ANO3: variants seen among roughly 807,000 people sequenced by gnomAD.
The protein encoded by ANO3 is anoctamin-3.
ANO3 carries 99 observed loss-of-function variants against 144.8 expected under a neutral mutation model. That is an observed-to-expected ratio of 0.68 (90% confidence interval 0.58 to 0.81). The LOEUF (loss-of-function observed/expected upper bound fraction) is 0.81, where lower values mean the gene tolerates loss of function less well. Ranked by LOEUF, ANO3 falls within the 30% of genes least tolerant of loss-of-function variation. The pLI is 0.00. For missense variants in ANO3, 905 were observed against 1,202.2 expected (o/e 0.75, Z 3.66); for synonymous variants, 414 against 392.6 (o/e 1.05, Z -0.64).
intron 2 of ANO3, 80 bp from the exon 3 acceptor site, chr11:26,443,685 T>G: frequency 1.6e-6 from 1 of 631,722 alleles, no homozygotes; most frequent in Non-Finnish European, 2.6e-6. Context: ...GGCCATCATT[T>G]GTCCATCTAT....
At chr11:26,313,681 G>A (rs956570778) in intron 1 of ANO3, among the ~76,000 whole-genome samples, 22 of 150,684 alleles carry the variant, frequency 1.5e-4, no homozygotes, top group African/African-American at 5.4e-4. Context: ...GCAAGACTGT[G>A]TCTCAAAAAA....
At chr11:26,448,105 G>A (rs2134032132) in intron 3 of ANO3, among the ~76,000 whole-genome samples, 1 of 152,166 alleles carries the variant, frequency 6.6e-6, no homozygotes, top group Non-Finnish European at 1.5e-5. Flanking sequence ...TTCGAGACCA[G>A]CCTGACCAAC....
chr11:26,218,437 C>T lies in ANO3; in HGVS notation c.154+29107C>T, dbSNP rs561591765. ...GTTCCTACTCTTGTTGGACCAATAA[C>T]ATTTTAATTTCATCTGTAACACTTA... On this transcript the variant is annotated intron_variant, in intron 1 of 27. Transcript: ENST00000672621. 1.2e-4 allele frequency among the ~76,000 whole-genome samples: 18 copies of T among 152,178 alleles called. No individual in the cohort carries two copies. The South Asian group carries it at 3.7e-3, about 32-fold the overall frequency.
At chr11:26,348,093 C>A (rs1021086161) in intron 1 of ANO3, among the ~76,000 whole-genome samples, 1 of 152,190 alleles carries the variant, frequency 6.6e-6, no homozygotes, top group Non-Finnish European at 1.5e-5. Flanking sequence ...TAACATATGG[C>A]TTATTTTTCA....
At chr11:26,316,377 A>G (rs1309999904) in intron 1 of ANO3, among the ~76,000 whole-genome samples, 1 of 152,174 alleles carries the variant, frequency 6.6e-6, no homozygotes, top group Non-Finnish European at 1.5e-5. Flanking sequence ...GGGATGAAGT[A>G]ATTCTTTAAC....
intron 17 of ANO3, among the ~76,000 whole-genome samples, chr11:26,603,344 C>A (rs1294724015): frequency 6.6e-6 from 1 of 151,766 alleles, no homozygotes; most frequent in East Asian, 1.9e-4. Flanking sequence ...TCTAGATTTG[C>A]TACAATAAGC....
chr11:26,231,802 A>T (rs1011556689), intron 1 of ANO3, among the ~76,000 whole-genome samples: 1 of 152,238 alleles, frequency 6.6e-6, no homozygotes, highest in Non-Finnish European at 1.5e-5. Context: ...GTAAGATCGT[A>T]GTCAATAAAT....
intron 14 of ANO3, among the ~76,000 whole-genome samples, chr11:26,580,376 T>G (rs778075750): frequency 4.7e-4 from 72 of 152,328 alleles, no homozygotes; most frequent in Admixed American, 2.5e-3. Context: ...TCACTGGCAG[T>G]ATTACGTACA....
chr11:26,638,569 G>A (rs1218669517), intron 20 of ANO3, among the ~76,000 whole-genome samples: 1 of 152,150 alleles, frequency 6.6e-6, no homozygotes, highest in Non-Finnish European at 1.5e-5. Context: ...AGCAAAGAGA[G>A]GAAAACTGGT....
Position 26,398,368 on chromosome 11 carries a change from C to T in ANO3, c.47-43550C>T, listed in dbSNP as rs1196277036. 2.6e-5 allele frequency among the ~76,000 whole-genome samples: 4 copies of T among 151,922 alleles called. No homozygotes were observed. The East Asian group carries it at 7.7e-4, about 29-fold the overall frequency. On this transcript the variant is annotated intron_variant, in intron 1 of 26. Transcript: ENST00000256737. ...AAAGGCTCCTGTGAGTATAGGTTAC[C>T]TTTGGAAATGAATGGAGAGAATGAG...
intron 9 of ANO3, among the ~76,000 whole-genome samples, chr11:26,535,571 CTTTTTTTTTTTTTTTTT>C (rs72278856): frequency 3.4e-5 from 2 of 58,572 alleles, no homozygotes; most frequent in South Asian, 1.1e-3. Context: ...AAGACAGCCA[CTTTTTTTTTTTTTTTTT>C]TTTTTTTTTT....
At chr11:26,242,002 T>A (rs1468699313) in intron 1 of ANO3, among the ~76,000 whole-genome samples, 1 of 152,192 alleles carries the variant, frequency 6.6e-6, no homozygotes, top group East Asian at 1.9e-4. Flanking sequence ...AGAGAGGATA[T>A]AACATTTGAA....
intron 14 of ANO3, among the ~76,000 whole-genome samples, chr11:26,589,408 A>C (rs544542608): frequency 2.2e-5 from 3 of 139,358 alleles, no homozygotes; most frequent in Non-Finnish European, 4.7e-5. Context: ...CAGTACCCCA[A>C]TTTTCTTTTT....
chr11:26,557,267 C>T (rs534386430), intron 13 of ANO3, among the ~76,000 whole-genome samples: 3 of 152,126 alleles, frequency 2.0e-5, no homozygotes, highest in African/African-American at 7.2e-5. Context: ...CGAGACCATC[C>T]TGGCTAAGAC....
At chr11:26,435,910 G>T (rs1292651188) in intron 1 of ANO3, among the ~76,000 whole-genome samples, 1 of 152,106 alleles carries the variant, frequency 6.6e-6, no homozygotes, top group African/African-American at 2.4e-5. Flanking sequence ...ACTCAACCTG[G>T]TTAACAACCC....
chr11:26,454,911 G>A (rs1318558873), intron 3 of ANO3, among the ~76,000 whole-genome samples: 2 of 146,710 alleles, frequency 1.4e-5, no homozygotes, highest in South Asian at 2.2e-4. Flanking sequence ...ATGCAAGGCT[G>A]GTTCAATATA....
chr11:26,530,587 G>A (rs375590247), intron 7 of ANO3, among the ~76,000 whole-genome samples: 43 of 151,376 alleles, frequency 2.8e-4, no homozygotes, highest in Non-Finnish European at 3.7e-4. Flanking sequence ...CTGGCCGGGC[G>A]CAGTGGCTCA....
At chr11:26,216,103 A>G (rs1292261940) in intron 1 of ANO3, among the ~76,000 whole-genome samples, 1 of 152,052 alleles carries the variant, frequency 6.6e-6, no homozygotes, top group Non-Finnish European at 1.5e-5. Context: ...TGTAATAAAG[A>G]TGGAAGGCTT....
chr11:26,337,939 G>C (rs1157764912), intron 1 of ANO3, among the ~76,000 whole-genome samples: 1 of 148,676 alleles, frequency 6.7e-6, no homozygotes, highest in East Asian at 2.0e-4. Context: ...AGTCTCAAAA[G>C]AAAAAAAAAA....
Sources: gnomAD v4.1 joint callset for allele counts (sites outside exome capture counted in the v4.1 genomes callset) on GRCh38, gnomAD v4.1.1 for gene constraint, MANE v1.5 for transcripts, NCBI Gene and HGNC (gene_info 2026-07-23, HGNC 2026-07-21) for gene names.